Variants in PKP3 observed in about 807,000 individuals in gnomAD.
PKP3 encodes plakophilin 3.
PKP3 carries 66 observed loss-of-function variants against 76.5 expected under a neutral mutation model. That is an observed-to-expected ratio of 0.86 (90% confidence interval 0.71 to 1.06). The LOEUF is 1.06. PKP3 is among the 50% of genes least tolerant of loss of function. PKP3 has a pLI of 0.00. For synonymous variants in PKP3, 638 were observed against 516.5 expected, an observed-to-expected ratio of 1.24 and a Z score of -3.19; for missense variants, 1,338 against 1,141.0, an observed-to-expected ratio of 1.17 and a Z score of -2.49.
upstream of PKP3, among the ~76,000 whole-genome samples, chr11:392,963 C>A (rs1846994604): frequency 6.6e-6 from 1 of 152,012 alleles, no homozygotes; most frequent in Non-Finnish European, 1.5e-5. Flanking sequence ...AGCTAGGGGG[C>A]AAGGGTCTGC....
At chr11:398,864 C>G (rs959765478) in intron 4 of PKP3, 128 bp from the exon 5 acceptor site, 1 of 765,538 alleles carries the variant, frequency 1.3e-6, no homozygotes, top group African/African-American at 1.8e-5. Context: ...CACACACCTC[C>G]GTCACCTCCC....
At chr11:403,335 A>G in intron 9 of PKP3, 72 bp downstream of exon 9, 3 of 933,950 alleles carry the variant, frequency 3.2e-6, no homozygotes, top group East Asian at 2.8e-5. Context: ...GAGGAGGGAG[A>G]GGGAGGGGAG....
At position 396,634 on chromosome 11, in the gene PKP3, C is replaced by G; in HGVS notation, c.259C>G (p.Leu87Val). 5 of 1,610,710 alleles carry G rather than the reference C, an allele frequency of 3.1e-6. No individual in the cohort carries two copies. Among genetic ancestry groups the G allele is most frequent in the Non-Finnish European group, 4.2e-6 (5 of 1,179,234 alleles). ...CACATCCAGGGGGCAGTACCACACC[C>G]TGCAGGCTGGCTTCAGCTCTCGCTC... ...RGTSRGQYHT[L>V]QAGFSSRSQG... Residue 87 changes from leucine to valine, a missense_variant, in exon 2 of 13, where the codon CTG (leucine) becomes GTG (valine). Transcript: ENST00000331563.
At chr11:396,753 G>A (rs1397458392) in intron 2 of PKP3, 61 bp from the exon 3 acceptor site, 4 of 1,574,130 alleles carry the variant, frequency 2.5e-6, no homozygotes, top group Non-Finnish European at 3.5e-6. Context: ...GGGAGGCTCT[G>A]CAGCGGGCCC....
chr11:403,682 G>T lies in PKP3; in HGVS notation c.1988G>T (p.Arg663Leu). 2.5e-6 allele frequency: 4 copies of T among 1,610,438 alleles called. No individual in the cohort carries two copies. The highest frequency in any genetic ancestry group is 3.4e-6 in the Non-Finnish European group (4 of 1,179,798). The change falls in exon 10 of 13, where the codon CGT (arginine) becomes CTT (leucine). Residue 663 changes from arginine to leucine, a missense_variant. Arg to Leu is a moderately radical substitution (Grantham distance 102). Transcript: ENST00000331563. ...CGTATTCTGAACCCCCTGCTAGACC[G>T]TGTCAGGACCGCCGACCACCACCAG... ...QERILNPLLD[R>L]VRTADHHQLR...
rs1847133045 is a variant in PKP3, at chr11:400,431, G to A, written c.1546G>A (p.Ala516Thr). The A allele has an allele frequency of 1.3e-6, 2 of 1,546,786 alleles. No individual in the cohort carries two copies. Among genetic ancestry groups the A allele is most frequent in the Non-Finnish European group, 1.7e-6 (2 of 1,145,484 alleles). ...LVTSINHALD[A>T]GKCEDKSVEN... The stretch of plus-strand genomic sequence containing the variant: ...CACCTCTATCAACCACGCCCTGGAC[G>A]CGGGCAAATGCGAGGACAAGGTGAG... The change falls in exon 7 of 13, where the codon GCG (alanine) becomes ACG (threonine). Residue 516 changes from alanine to threonine, a missense_variant. By Grantham distance (58) the Ala-to-Thr change is moderately conservative (BLOSUM62 0). Coordinates refer to ENST00000331563, the MANE Select transcript of PKP3 (RefSeq NM_007183.4).
In PKP3 at chr11:404,053, G is replaced by A; in HGVS notation, c.2188G>A (p.Val730Met). Reference sequence around the variant, plus strand: ...CATAGCTGTGCTCAACAACCTGGTGGTGGCCAGCCCCATCGCTGCCCGAGA... The same window carrying A: ...CATAGCTGTGCTCAACAACCTGGTGATGGCCAGCCCCATCGCTGCCCGAGA... ...NIIAVLNNLV[V>M]ASPIAARDLL... Residue 730 changes from valine (V) to methionine (M), a missense_variant, in exon 11 of 13, where the codon GTG (valine) becomes ATG (methionine). Coordinates refer to ENST00000331563, the MANE Select transcript of PKP3 (RefSeq NM_007183.4). This position sits in a 1 kb window ranked among gnomAD's most constrained non-coding sequence, Gnocchi z 4.2. The A allele has an allele frequency of 6.2e-7, 1 of 1,612,550 alleles. No individual in the cohort carries two copies. Among genetic ancestry groups the A allele is most frequent in the Non-Finnish European group, 8.5e-7 (1 of 1,179,798 alleles).
chr11:400,764 C>G, intron 8 of PKP3, 59 bp downstream of exon 8: 1 of 1,022,690 alleles, frequency 9.8e-7, no homozygotes, highest in South Asian at 4.4e-5. Flanking sequence ...CCCGCTGACC[C>G]CGGCCCCGCT....
Position 399,205 on chromosome 11 carries a change from T to C in PKP3, c.1273+9T>C. On this transcript the variant is annotated intron_variant, in intron 5 of 12. Coordinates refer to ENST00000331563, the MANE Select transcript of PKP3 (RefSeq NM_007183.4). ...TCGCAAAAATGTCACAGGTGCTGCC[T>C]GTCCCCTCCTCCACCTGTCCTTCCT... is the stretch of plus-strand genomic sequence containing the variant. 6.5e-7 allele frequency: 1 copy of C among 1,545,540 alleles called. No individual in the cohort carries two copies.
At position 400,664 on chromosome 11, in the gene PKP3, G is replaced by T; in HGVS notation, c.1696G>T (p.Val566Phe). The T allele has an allele frequency of 7.5e-7, 1 of 1,332,390 alleles. No homozygotes were observed. Among genetic ancestry groups the T allele is most frequent in the Non-Finnish European group, 9.6e-7 (1 of 1,044,284 alleles). 82.5% of individuals were successfully genotyped at this position (1,332,390 alleles called of 1,614,324 possible). Residue 566 changes from valine (V) to phenylalanine (F), a missense_variant, in exon 8 of 13, where the codon GTC (valine) becomes TTC (phenylalanine). Val to Phe is a conservative substitution (Grantham distance 50, BLOSUM62 -1). Coordinates refer to ENST00000331563, the MANE Select transcript of PKP3 (RefSeq NM_007183.4). ...CCTGGCGGGGGCGCCGCCGGGAGAG[G>T]TCGTGGGCTGCTTCACGCCGCAGAG... ...RDLAGAPPGEVVGCFTPQSRR... is the reference protein window; with the variant it reads ...RDLAGAPPGEFVGCFTPQSRR...
At position 404,172 on chromosome 11, in the gene PKP3, G is replaced by A. The variant is rs764793555; in HGVS notation, c.2270+37G>A. The A allele has an allele frequency of 3.7e-6, 6 of 1,608,432 alleles. No individual in the cohort carries two copies. The Admixed American group carries it at 5.0e-5, about 13-fold the overall frequency. On this transcript the variant is annotated intron_variant, in intron 11 of 12. Coordinates refer to ENST00000331563, the MANE Select transcript of PKP3 (RefSeq NM_007183.4). The surrounding 1 kb of genome is among the most constrained non-coding windows in gnomAD (Gnocchi z 4.2). ...CCCAGCCGTGCAGCAGCCTGGTCAG[G>A]GGTCCTCCCAGTCCACCCTGCTTTC...
rs370191440 is a variant in PKP3, at chr11:397,673, C to G, written c.1068+11C>G. ...GCCGCCAAGAAGCAGGTGACCACCC[C>G]GACCACCCACTCGCTGCCCCCTGGT... On this transcript the variant is annotated intron_variant, in intron 4 of 12. Coordinates refer to ENST00000331563, the MANE Select transcript of PKP3 (RefSeq NM_007183.4). The G allele has an allele frequency of 6.2e-7, 1 of 1,607,866 alleles. No homozygotes were observed. The highest frequency in any genetic ancestry group is 8.5e-7 in the Non-Finnish European group (1 of 1,177,066).
chr11:403,695 C>T lies in PKP3; in HGVS notation c.2001C>T (p.Ala667=), dbSNP rs138617429. 24 of 1,610,264 alleles carry T rather than the reference C, an allele frequency of 1.5e-5. No homozygotes were observed. Among genetic ancestry groups the T allele is most frequent in the African/African-American group, 5.3e-5 (4 of 74,886 alleles). Residue 667 remains alanine (A), a synonymous_variant, in exon 10 of 13, where the codon GCC becomes GCT. Transcript: ENST00000331563. The part of the protein sequence containing the change: ...LNPLLDRVRT[A]DHHQLRSLTG... The stretch of plus-strand genomic sequence containing the variant: ...CCCTGCTAGACCGTGTCAGGACCGC[C>T]GACCACCACCAGCTGCGCTCACTGA...
In PKP3 at chr11:403,289, G is replaced by A. The variant is rs1847188863; in HGVS notation, c.1923+26G>A. 2.6e-6 allele frequency: 4 copies of A among 1,517,466 alleles called. No homozygotes were observed. In the South Asian group the frequency reaches 3.5e-5, roughly 13 times the overall value. The allele number at this position is 1,517,466 out of a possible 1,614,324, so 94.0% of individuals were successfully genotyped here. ...GTGGGGCACCCAACCCAGACCCGAG[G>A]GGGTCCCAGGGGTTCATGCGGTTGA... On this transcript the variant is annotated intron_variant, in intron 9 of 12. Transcript: ENST00000331563.
intron 4 of PKP3, 128 bp downstream of exon 4, chr11:397,790 G>T: frequency 1.1e-6 from 1 of 884,688 alleles, no homozygotes; most frequent in South Asian, 1.7e-5. Context: ...ACCCCACTCT[G>T]TCTGGAGCCC....
intron 1 of PKP3, among the ~76,000 whole-genome samples, chr11:394,849 C>A (rs1178763378): frequency 2.0e-5 from 3 of 152,340 alleles, no homozygotes; most frequent in Non-Finnish European, 2.9e-5. Flanking sequence ...AAACCCGGAA[C>A]ACGCACGCGC....
upstream of PKP3, among the ~76,000 whole-genome samples, chr11:393,916 G>A (rs1158021673): frequency 6.6e-6 from 1 of 152,172 alleles, no homozygotes; most frequent in African/African-American, 2.4e-5. Flanking sequence ...AGGACACAGA[G>A]GGCCCCTCTG....
chr11:400,534 G>A lies in PKP3; in HGVS notation c.1567-1G>A. 1 of 1,490,456 alleles carries A rather than the reference G, an allele frequency of 6.7e-7. No homozygotes were observed. Among genetic ancestry groups the A allele is most frequent in the Non-Finnish European group, 8.9e-7 (1 of 1,127,432 alleles). The allele number at this position is 1,490,456 out of a possible 1,614,324, so 92.3% of individuals were successfully genotyped here. Reference sequence around the variant, plus strand: ...CCCCTGCCCCGCGCCCCCGCCCGCAGAGCGTGGAGAACGCGGTGTGCGTCC... The same window carrying A: ...CCCCTGCCCCGCGCCCCCGCCCGCAAAGCGTGGAGAACGCGGTGTGCGTCC... On this transcript the variant is annotated splice_acceptor_variant, in intron 7 of 12. Coordinates refer to ENST00000331563, the MANE Select transcript of PKP3 (RefSeq NM_007183.4). LOFTEE classifies it high-confidence loss of function.
intron 1 of PKP3, 95 bp downstream of exon 1, chr11:394,619 G>A (rs1020591844): frequency 1.6e-5 from 17 of 1,044,606 alleles, no homozygotes; most frequent in Middle Eastern, 3.3e-4. Context: ...CAGTGAGGCC[G>A]GCTCCTGACT....
Sources: gnomAD v4.1 joint callset for allele counts (sites outside exome capture counted in the v4.1 genomes callset) on GRCh38, gnomAD v4.1.1 for gene constraint, Gnocchi (gnomAD v3.1) non-coding constraint, MANE v1.5 for transcripts, NCBI Gene and HGNC (gene_info 2026-07-23, HGNC 2026-07-21) for gene names.